Variants in RSF1 observed in about 807,000 individuals in gnomAD.
The protein encoded by RSF1 is remodeling and spacing factor 1.
A neutral mutation model predicts 145.2 loss-of-function variants in RSF1; 13 were observed. That is an observed-to-expected ratio of 0.09 (90% CI 0.06 to 0.14). The LOEUF (loss-of-function observed/expected upper bound fraction) is 0.14. Ranked by LOEUF, RSF1 falls within the 10% of genes least tolerant of loss-of-function variation. The pLI, the probability that RSF1 is intolerant of heterozygous loss-of-function variation, is 1.00. For missense variants in RSF1, 1,517 were observed against 1,718.2 expected (o/e 0.88, Z 2.07); for synonymous variants, 577 against 592.6 (o/e 0.97, Z 0.38).
chr11:77,711,218 C>A (rs1960675157), intron 5 of RSF1, among the ~76,000 whole-genome samples: 1 of 151,386 alleles, frequency 6.6e-6, no homozygotes, highest in Non-Finnish European at 1.5e-5. Flanking sequence ...TTCTAGCTTA[C>A]CTATTATTTG....
At chr11:77,803,676 G>A (rs537507656) in intron 1 of RSF1, among the ~76,000 whole-genome samples, 92 of 152,124 alleles carry the variant, frequency 6.0e-4, no homozygotes, top group African/African-American at 2.2e-3. Flanking sequence ...GTACACAGGA[G>A]GCTGAGGCAG....
chr11:77,737,164 T>G (rs1376174062), intron 4 of RSF1, among the ~76,000 whole-genome samples: 1 of 152,164 alleles, frequency 6.6e-6, no homozygotes, highest in Non-Finnish European at 1.5e-5. Context: ...GAGAAAACTA[T>G]GCGATGGGTA....
At chr11:77,755,299 T>C (rs867972302) in intron 2 of RSF1, among the ~76,000 whole-genome samples, 18 of 152,078 alleles carry the variant, frequency 1.2e-4, no homozygotes, top group Middle Eastern at 6.8e-3. Context: ...GGTTTGGAGG[T>C]AGAATTATCA....
chr11:77,737,966 A>G (rs1009855374), intron 4 of RSF1, among the ~76,000 whole-genome samples: 1 of 152,114 alleles, frequency 6.6e-6, no homozygotes, highest in African/African-American at 2.4e-5. Flanking sequence ...CATCTCTACT[A>G]AAACTACAAA....
Position 77,764,593 on chromosome 11 carries a change from G to A in RSF1, c.279+5C>T. 1 of 1,526,438 alleles carries A rather than the reference G, an allele frequency of 6.6e-7. No homozygotes were observed. Among genetic ancestry groups the A allele is most frequent in the Non-Finnish European group, 9.1e-7 (1 of 1,102,838 alleles). The allele number at this position is 1,526,438 out of a possible 1,614,324, so 94.6% of individuals were successfully genotyped here. On this transcript the variant is annotated splice_donor_5th_base_variant and intron_variant, in intron 2 of 15. Transcript: ENST00000308488. ...TAGAGCAGGAAATTTACAAATACTA[G>A]TTACCTTGATCAAATATTTTTCCCA...
intron 5 of RSF1, among the ~76,000 whole-genome samples, chr11:77,707,762 C>T (rs898387406): frequency 6.6e-6 from 1 of 152,176 alleles, no homozygotes; most frequent in Non-Finnish European, 1.5e-5. Flanking sequence ...TAAATATTTA[C>T]TGAGTGCCTG....
At chr11:77,742,005 C>T (rs985335182) in intron 3 of RSF1, among the ~76,000 whole-genome samples, 2 of 152,190 alleles carry the variant, frequency 1.3e-5, no homozygotes, top group East Asian at 1.9e-4. Flanking sequence ...CGTGTTGTCA[C>T]GAAAGCAGGA....
intron 4 of RSF1, among the ~76,000 whole-genome samples, chr11:77,727,498 T>TGA (rs1403829188): frequency 1.6e-5 from 2 of 125,208 alleles, no homozygotes; most frequent in African/African-American, 6.5e-5. Context: ...TTTTTTGAGA[T>TGA]GGAGTTTCAC....
chr11:77,770,198 C>T (rs1386577049), intron 1 of RSF1, among the ~76,000 whole-genome samples: 3 of 152,144 alleles, frequency 2.0e-5, no homozygotes, highest in Non-Finnish European at 4.4e-5. Context: ...TGTGGTGGCT[C>T]GTGCCTGTAA....
rs919095131 is a variant in RSF1 at position 77,661,705 on chromosome 11, C to A, written c.*5212G>T. On this transcript the variant is annotated 3_prime_UTR_variant, in exon 16 of 16. Coordinates refer to ENST00000308488, the MANE Select transcript of RSF1 (RefSeq NM_016578.4). ...TTAGGGTATTTTCCCACCTCCCATC[C>A]CTTAAAAGCTGTACAGTTATTTTTT... 3 of 151,700 alleles carry A rather than the reference C, an allele frequency of 2.0e-5. No individual in the cohort carries two copies. The highest frequency in any genetic ancestry group is 6.6e-5 in the Admixed American group (1 of 15,220). The allele number at this position is 151,700 out of a possible 1,614,324, so 9.4% of individuals were successfully genotyped here.
intron 2 of RSF1, among the ~76,000 whole-genome samples, chr11:77,750,397 T>G (rs1009035440): frequency 2.6e-5 from 4 of 152,228 alleles, no homozygotes; most frequent in Non-Finnish European, 5.9e-5. Context: ...CATGGCTGTA[T>G]TCCCGTAACA....
At chr11:77,796,547 G>A (rs764746187) in intron 1 of RSF1, among the ~76,000 whole-genome samples, 4 of 152,218 alleles carry the variant, frequency 2.6e-5, no homozygotes, top group Middle Eastern at 3.4e-3. Flanking sequence ...CCCACAGCCA[G>A]TATCGTACTG....
At chr11:77,685,676 A>G (rs35791722) in intron 9 of RSF1, among the ~76,000 whole-genome samples, 4,194 of 152,280 alleles carry the variant, frequency 0.028, 98 homozygotes, top group Middle Eastern at 0.048. Context: ...TAAGATAACA[A>G]TATCTTTCAG....
the RSF1 span, among the ~76,000 whole-genome samples, chr11:77,868,506 G>C: frequency 6.6e-6 from 1 of 151,280 alleles, no homozygotes; most frequent in Non-Finnish European, 1.5e-5. Context: ...CTACAGGCAC[G>C]CGCCACCACA....
intron 7 of RSF1, among the ~76,000 whole-genome samples, chr11:77,698,033 G>A (rs906325749): frequency 1.3e-5 from 2 of 152,180 alleles, no homozygotes; most frequent in African/African-American, 4.8e-5. Flanking sequence ...AGCCATCCAT[G>A]AGACAGGGTC....
At chr11:77,667,551 C>A in intron 15 of RSF1, 60 bp from the exon 16 acceptor site, 2 of 1,430,794 alleles carry the variant, frequency 1.4e-6, no homozygotes, top group Non-Finnish European at 1.9e-6. Context: ...ATTTAATTCT[C>A]CTTTTCCTCC....
intron 2 of RSF1, among the ~76,000 whole-genome samples, chr11:77,757,271 G>A (rs1488975109): frequency 6.6e-6 from 1 of 152,186 alleles, no homozygotes; most frequent in Non-Finnish European, 1.5e-5. Context: ...AAAGGTTTTT[G>A]GGATTGGCAA....
intron 4 of RSF1, among the ~76,000 whole-genome samples, chr11:77,737,090 T>C (rs943556425): frequency 6.6e-6 from 1 of 152,200 alleles, no homozygotes; most frequent in African/African-American, 2.4e-5. Context: ...TATTCACAGA[T>C]GTCATCAAAA....
In RSF1 at chr11:77,677,103, ATTTC is replaced by A. The variant is rs372396006; in HGVS notation, c.3134-108_3134-105del. On this transcript the variant is annotated intron_variant, in intron 12 of 15. Coordinates refer to ENST00000308488, the MANE Select transcript of RSF1 (RefSeq NM_016578.4). ...CCTTATTCATGCTTAGCAGCTCTTC[ATTTC>A]TTTATTTTCTTCCAACAAATATGCA... 645 of 830,270 alleles carry A rather than the reference ATTTC, an allele frequency of 7.8e-4. 2 individuals are homozygous for A. The African/African-American group carries it at 0.01, about 13-fold the overall frequency. 51.4% of individuals were successfully genotyped at this position (830,270 alleles called of 1,614,324 possible).
Sources: gnomAD v4.1 joint callset for allele counts (sites outside exome capture counted in the v4.1 genomes callset) on GRCh38, gnomAD v4.1.1 for gene constraint, MANE v1.5 for transcripts, NCBI Gene and HGNC (gene_info 2026-07-23, HGNC 2026-07-21) for gene names.